Variants in TTC38 observed in about 807,000 individuals in gnomAD.
TTC38 encodes the protein tetratricopeptide repeat protein 38.
Under a neutral mutation model 64.2 loss-of-function variants are expected in TTC38, and 64 were observed. The ratio of observed to expected loss-of-function variants is 1.00; its 90% CI spans 0.81 to 1.23. The LOEUF (loss-of-function observed/expected upper bound fraction) is 1.23, where lower values mean the gene tolerates loss of function less well. Among genes scored for constraint, TTC38 ranks in the 50% most tolerant of loss-of-function variants. The pLI is 0.00. For missense variants in TTC38, 573 were observed against 615.5 expected, an observed-to-expected ratio of 0.93 and a Z score of 0.73; for synonymous variants, 254 against 249.3, an observed-to-expected ratio of 1.02 and a Z score of -0.18.
chr22:46,283,806 C>T (rs555373281), intron 7 of TTC38, among the ~76,000 whole-genome samples, 167 bp from the exon 8 acceptor site: 3 of 128,990 alleles, frequency 2.3e-5, no homozygotes, highest in Admixed American at 9.3e-5. Context: ...GAGCCAAGAT[C>T]GTGTCACTAC....
At chr22:46,288,067 G>C (rs1247203586) in intron 10 of TTC38, among the ~76,000 whole-genome samples, 1 of 152,166 alleles carries the variant, frequency 6.6e-6, no homozygotes, top group Non-Finnish European at 1.5e-5. Flanking sequence ...TGGGGAGCCT[G>C]GGGGATCCTT....
chr22:46,289,497 G>T lies in TTC38; in HGVS notation c.1178G>T (p.Arg393Leu). Residue 393 changes from arginine to leucine, a missense_variant, in exon 12 of 14, where the codon CGC becomes CTC. This residue lies in a region of TTC38 where 371 missense variants were observed against 381.8 expected (regional missense o/e 0.97). Coordinates refer to ENST00000381031, the MANE Select transcript of TTC38 (RefSeq NM_017931.4). ...LVEAEDGNPDRVLELLLPIRY... is the reference protein window; with the variant it reads ...LVEAEDGNPDLVLELLLPIRY... ...GAGGCTGAGGACGGGAACCCTGACC[G>T]CGTCCTGGAGCTGCTCCTGCCCATC... is the stretch of plus-strand genomic sequence containing the variant. 2 of 1,608,210 alleles carry T rather than the reference G, an allele frequency of 1.2e-6. No homozygotes were observed. The highest frequency in any genetic ancestry group is 1.1e-5 in the South Asian group (1 of 90,934).
In TTC38 at chr22:46,274,110, T is replaced by C; in HGVS notation, c.365+41T>C. On this transcript the variant is annotated intron_variant, in intron 4 of 13. Transcript: ENST00000381031. This position sits in a 1 kb window ranked among gnomAD's most constrained non-coding sequence, Gnocchi z 4.8. Reference sequence around the variant, plus strand: ...GGGCTGGGAGCTGGCACCCTGAGGCTGAGCTGGGGGAGTGGCAGGGTATCC... The same window carrying C: ...GGGCTGGGAGCTGGCACCCTGAGGCCGAGCTGGGGGAGTGGCAGGGTATCC... 1.3e-6 allele frequency: 2 copies of C among 1,530,254 alleles called. No individual in the cohort carries two copies. The highest frequency in any genetic ancestry group is 1.8e-6 in the Non-Finnish European group (2 of 1,129,468). The allele number at this position is 1,530,254 out of a possible 1,614,324, so 94.8% of individuals were successfully genotyped here.
intron 13 of TTC38, among the ~76,000 whole-genome samples, chr22:46,290,232 C>G (rs1267721457): frequency 6.6e-6 from 1 of 152,178 alleles, no homozygotes; most frequent in Non-Finnish European, 1.5e-5. Context: ...TTGCACCTGG[C>G]CGACACCTAA....
chr22:46,286,946 G>T, intron 9 of TTC38, 127 bp from the exon 10 acceptor site: 1 of 659,084 alleles, frequency 1.5e-6, no homozygotes, highest in South Asian at 1.9e-5. Context: ...TTGAGGTGAT[G>T]GGGACAGTGG....
At position 46,291,044 on chromosome 22, in the gene TTC38, A is replaced by C. The variant is rs555822006; in HGVS notation, c.1316+1145A>C. ...GGTTTAGGCGCAGGTGCACCAGCGC[A>C]GCTCCCTCCAGGCAGGGTTACCCAA... is the stretch of plus-strand genomic sequence containing the variant. On this transcript the variant is annotated intron_variant, in intron 13 of 13. Transcript: ENST00000381031. The surrounding 1 kb of genome is among the most constrained non-coding windows in gnomAD (Gnocchi z 4.6). Among the ~76,000 whole-genome samples, 105 of 152,306 alleles carry C rather than the reference A, an allele frequency of 6.9e-4. No individual in the cohort carries two copies. Among genetic ancestry groups the C allele is most frequent in the African/African-American group, 2.4e-3 (100 of 41,562 alleles).
At position 46,290,164 on chromosome 22, in the gene TTC38, C is replaced by T. The variant is rs143182935; in HGVS notation, c.1316+265C>T. ...GCTAAGCTACCTGGGTACGTAAACA[C>T]GTCCTGCTCTTTCAGGCTCCTGGGC... On this transcript the variant is annotated intron_variant, in intron 13 of 13. Transcript: ENST00000381031. Among the ~76,000 whole-genome samples, 289 of 152,248 alleles carry T rather than the reference C, an allele frequency of 1.9e-3. 3 individuals are homozygous for T. The highest frequency in any genetic ancestry group is 0.016 in the Admixed American group (245 of 15,304).
At chr22:46,285,169 G>A (rs1018556704) in intron 8 of TTC38, 72 bp from the exon 9 acceptor site, 19 of 1,405,958 alleles carry the variant, frequency 1.4e-5, no homozygotes, top group Middle Eastern at 1.8e-4. Flanking sequence ...TGGCCTGGCC[G>A]TTCTCAGTTC....
rs900253875 is a variant in TTC38 at position 46,270,638 on chromosome 22, G to C, written c.112-1697G>C. On this transcript the variant is annotated intron_variant, in intron 2 of 13. Transcript: ENST00000381031. This position sits in a 1 kb window ranked among gnomAD's most constrained non-coding sequence, Gnocchi z 4.7. ...ATCTGAGGTCAGGAGTTCAACACCA[G>C]CCTGGCCAACATGGTGAAACCCTGT... 1.3e-5 allele frequency among the ~76,000 whole-genome samples: 2 copies of C among 152,092 alleles called. No individual in the cohort carries two copies. The highest frequency in any genetic ancestry group is 2.4e-5 in the African/African-American group (1 of 41,412).
chr22:46,290,523 T>TGTTAGGAGGGTGGCGTGGCTGGAGGGTGA lies in TTC38; in HGVS notation c.1316+626_1316+627insTAGGAGGGTGGCGTGGCTGGAGGGTGAGT, dbSNP rs1281218423. ...TAGGGTGGCATGGCTGGAGGGTGAG[T>TGTTAGGAGGGTGGCGTGGCTGGAGGGTGA]GTGTTAGGGCAGCGTGGCTGGAGGG... is the stretch of plus-strand genomic sequence containing the variant. On this transcript the variant is annotated intron_variant, in intron 13 of 13. Coordinates refer to ENST00000381031, the MANE Select transcript of TTC38 (RefSeq NM_017931.4). 1.9e-3 allele frequency among the ~76,000 whole-genome samples: 194 copies of TGTTAGGAGGGTGGCGTGGCTGGAGGGTGA among 104,670 alleles called. 11 individuals carry two copies. Among genetic ancestry groups the TGTTAGGAGGGTGGCGTGGCTGGAGGGTGA allele is most frequent in the African/African-American group, 6.8e-3 (186 of 27,226 alleles). The allele number at this position is 104,670 out of a possible 152,430, so 68.7% of individuals were successfully genotyped here.
At position 46,281,675 on chromosome 22, in the gene TTC38, A is replaced by G. The variant is rs768972007; in HGVS notation, c.692A>G (p.Lys231Arg). Residue 231 changes from lysine (K) to arginine (R), a missense_variant, in exon 7 of 14, where the codon AAG (lysine) becomes AGG (arginine). By Grantham distance (26) the Lys-to-Arg change is conservative (BLOSUM62 2). Coordinates refer to ENST00000381031, the MANE Select transcript of TTC38 (RefSeq NM_017931.4). The surrounding 1 kb of genome is among the most constrained non-coding windows in gnomAD (Gnocchi z 5.2). The stretch of plus-strand genomic sequence containing the variant: ...ATCCACGAGATGAAAGCAGAGATCA[A>G]GGATGGGTTGGAATTCATGCAGCAC... Reference protein sequence around the residue: ...AHIHEMKAEIKDGLEFMQHSE... With the variant: ...AHIHEMKAEIRDGLEFMQHSE... The G allele has an allele frequency of 1.2e-6, 2 of 1,614,200 alleles. No homozygotes were observed. The highest frequency in any genetic ancestry group is 1.1e-5 in the South Asian group (1 of 91,090).
chr22:46,289,800 A>T (rs370520946), intron 12 of TTC38, 26 bp from the exon 13 acceptor site: 1 of 1,613,084 alleles, frequency 6.2e-7, no homozygotes, highest in African/African-American at 1.3e-5. Context: ...GGTACAGGAG[A>T]CTCACATGCC....
At position 46,270,451 on chromosome 22, in the gene TTC38, T is replaced by A. The variant is rs1936870181; in HGVS notation, c.111+1860T>A. On this transcript the variant is annotated intron_variant, in intron 2 of 13. Coordinates refer to ENST00000381031, the MANE Select transcript of TTC38 (RefSeq NM_017931.4). This position sits in a 1 kb window ranked among gnomAD's most constrained non-coding sequence, Gnocchi z 4.7. ...GTTAGACAGCTGAAAGGGCATATTT[T>A]AAAATCTAATGTGTGATTATAGGTC... Among the ~76,000 whole-genome samples, 1 of 152,204 alleles carries A rather than the reference T, an allele frequency of 6.6e-6. No individual in the cohort carries two copies. Among genetic ancestry groups the A allele is most frequent in the African/African-American group, 2.4e-5 (1 of 41,456 alleles).
intron 9 of TTC38, among the ~76,000 whole-genome samples, chr22:46,285,748 C>T (rs150519227): frequency 6.6e-6 from 1 of 151,902 alleles, no homozygotes; most frequent in Admixed American, 6.6e-5. Context: ...TGTGGTGGCT[C>T]ACACCTGTAA....
intron 7 of TTC38, among the ~76,000 whole-genome samples, chr22:46,283,031 C>T (rs546691283): frequency 2.0e-4 from 31 of 152,222 alleles, no homozygotes; most frequent in African/African-American, 6.5e-4. Context: ...TGGGCTCAAG[C>T]GATCCTTCCA....
intron 5 of TTC38, 67 bp from the exon 6 acceptor site, chr22:46,278,519 G>T: frequency 7.4e-7 from 1 of 1,355,048 alleles, no homozygotes; most frequent in South Asian, 1.2e-5. Context: ...GTATCTTTGC[G>T]GGGACACAGT....
At position 46,274,122 on chromosome 22, in the gene TTC38, G is replaced by C. The variant is rs1936957283; in HGVS notation, c.365+53G>C. The C allele has an allele frequency of 2.6e-6, 4 of 1,543,506 alleles. No homozygotes were observed. Among genetic ancestry groups the C allele is most frequent in the Non-Finnish European group, 8.9e-7 (1 of 1,122,864 alleles). On this transcript the variant is annotated intron_variant, in intron 4 of 13. Coordinates refer to ENST00000381031, the MANE Select transcript of TTC38 (RefSeq NM_017931.4). This position sits in a 1 kb window ranked among gnomAD's most constrained non-coding sequence, Gnocchi z 4.8. ...GGCACCCTGAGGCTGAGCTGGGGGA[G>C]TGGCAGGGTATCCCTTTCCTGATGC...
rs1215664694 is a variant in TTC38, at chr22:46,268,032, G to A, written c.-8G>A. On this transcript the variant is annotated 5_prime_UTR_variant, in exon 1 of 14. Coordinates refer to ENST00000381031, the MANE Select transcript of TTC38 (RefSeq NM_017931.4). ...CAGAGCTCGCGGTGGACTCCGACCC[G>A]GCGCAACATGGCCGCAGCCTCGCCT... 4 of 1,537,530 alleles carry A rather than the reference G, an allele frequency of 2.6e-6. No individual in the cohort carries two copies. The highest frequency in any genetic ancestry group is 2.5e-5 in the East Asian group (1 of 40,182).
chr22:46,292,656 C>A lies in TTC38; in HGVS notation c.1317-135C>A. The stretch of plus-strand genomic sequence containing the variant: ...CAAACTGAGGCCAGGCCTCCTGCCC[C>A]TGGGCCTTGGCCCTTGCTGTTCCCT... On this transcript the variant is annotated intron_variant, in intron 13 of 13. Transcript: ENST00000381031. This position sits in a 1 kb window ranked among gnomAD's most constrained non-coding sequence, Gnocchi z 6.5. The A allele has an allele frequency of 1.3e-6, 1 of 773,184 alleles. No individual in the cohort carries two copies. Among genetic ancestry groups the A allele is most frequent in the Admixed American group, 2.1e-5 (1 of 48,178 alleles). The allele number at this position is 773,184 out of a possible 1,614,324, so 47.9% of individuals were successfully genotyped here.
Sources: gnomAD v4.1 joint callset for allele counts (sites outside exome capture counted in the v4.1 genomes callset) on GRCh38, gnomAD v4.1.1 for gene constraint, gnomAD v4.1.1 regional missense constraint, Gnocchi (gnomAD v3.1) non-coding constraint, MANE v1.5 for transcripts, NCBI Gene and HGNC (gene_info 2026-07-23, HGNC 2026-07-21) for gene names.